Variants in CDH18 observed in about 807,000 individuals in gnomAD.
CDH18 encodes cadherin-18.
A neutral mutation model predicts 67.9 loss-of-function variants in CDH18; 31 were observed. The ratio of observed to expected loss-of-function variants is 0.46; its 90% confidence interval spans 0.34 to 0.62. The LOEUF (loss-of-function observed/expected upper bound fraction) is 0.62. Among genes scored for constraint, CDH18 ranks in the 20% least tolerant of loss-of-function variants. CDH18 has a pLI of 0.01. For missense variants in CDH18, 890 were observed against 975.5 expected (o/e 0.91, Z 1.17); for synonymous variants, 362 against 347.2 (o/e 1.04, Z -0.48).
chr5:20,476,671 G>A (rs773866631), intron 1 of CDH18, among the ~76,000 whole-genome samples: 1 of 152,052 alleles, frequency 6.6e-6, no homozygotes, highest in African/African-American at 2.4e-5. Context: ...CCTCTTTGAA[G>A]TTTCATGCAT....
Position 19,591,189 on chromosome 5 carries a change from T to C in CDH18, c.867A>G (p.Lys289=). The change falls in exon 7 of 13, where the codon AAA becomes AAG. Residue 289 remains lysine (K), a synonymous_variant. Transcript: ENST00000382275. ...CAGTGTCAGCATCATTTGCCTTGAT[T>C]TTCCCAACAGCTGAACCAACTTGAG... ...ESAQVGSAVG[K]IKANDADTGS... is the part of the protein sequence containing the mutation. The C allele has an allele frequency of 6.2e-7, 1 of 1,612,598 alleles. No individual in the cohort carries two copies. The highest frequency in any genetic ancestry group is 1.3e-5 in the African/African-American group (1 of 74,988).
At chr5:19,647,798 G>A (rs1197918116) in intron 5 of CDH18, among the ~76,000 whole-genome samples, 2 of 152,002 alleles carry the variant, frequency 1.3e-5, no homozygotes, top group African/African-American at 4.8e-5. Context: ...CACCCTAGAG[G>A]AGACTGAAGG....
At chr5:20,251,711 T>C (rs1434176726) in intron 2 of CDH18, among the ~76,000 whole-genome samples, 1 of 152,176 alleles carries the variant, frequency 6.6e-6, no homozygotes, top group African/African-American at 2.4e-5. Context: ...GAATGGATTG[T>C]AATTTGGTTT....
At position 20,352,902 on chromosome 5, in the gene CDH18, C is replaced by T. The variant is rs528678157; in HGVS notation, c.-579-97397G>A. 3.3e-5 allele frequency among the ~76,000 whole-genome samples: 5 copies of T among 152,170 alleles called. No individual in the cohort carries two copies. The East Asian group carries it at 9.7e-4, about 29-fold the overall frequency. On this transcript the variant is annotated intron_variant, in intron 1 of 14. Coordinates refer to the CDH18 transcript ENST00000507958. Reference sequence around the variant, plus strand: ...CATTTTTCTTGCTAGATATCCTCATCTTATAATAAGCTAGAATTAAAACAA... The same window carrying T: ...CATTTTTCTTGCTAGATATCCTCATTTTATAATAAGCTAGAATTAAAACAA...
chr5:19,759,287 C>G (rs1279052369), intron 3 of CDH18, among the ~76,000 whole-genome samples: 1 of 152,144 alleles, frequency 6.6e-6, no homozygotes, highest in Non-Finnish European at 1.5e-5. Context: ...AATCACCACC[C>G]TTGCATCTTT....
chr5:20,005,403 T>C (rs1736807163), intron 2 of CDH18, among the ~76,000 whole-genome samples: 1 of 103,696 alleles, frequency 9.6e-6, no homozygotes, highest in African/African-American at 3.8e-5. Flanking sequence ...AAACAAAGTA[T>C]ATATATATAT....
chr5:20,466,220 G>C (rs62355172), intron 1 of CDH18, among the ~76,000 whole-genome samples: 1 of 151,816 alleles, frequency 6.6e-6, no homozygotes, highest in Non-Finnish European at 1.5e-5. Flanking sequence ...GAGTTTCCTC[G>C]CCATTTTCAT....
intron 1 of CDH18, among the ~76,000 whole-genome samples, chr5:20,532,209 T>C (rs1463913219): frequency 2.6e-5 from 4 of 152,102 alleles, no homozygotes; most frequent in Non-Finnish European, 4.4e-5. Context: ...ATGCTGTGAT[T>C]CGGTACAATA....
intron 2 of CDH18, among the ~76,000 whole-genome samples, chr5:19,920,108 A>T (rs2150163482): frequency 6.6e-6 from 1 of 152,308 alleles, no homozygotes; most frequent in Admixed American, 6.5e-5. Flanking sequence ...CTGTTTTTGA[A>T]TCCCATAATA....
intron 2 of CDH18, among the ~76,000 whole-genome samples, chr5:19,920,225 A>G (rs1792278608): frequency 2.0e-5 from 3 of 152,218 alleles, no homozygotes; most frequent in Admixed American, 2.0e-4. Flanking sequence ...TTTTGACTTT[A>G]TTATATAATT....
chr5:19,960,811 AC>A (rs1796810328), intron 2 of CDH18, among the ~76,000 whole-genome samples: 1 of 149,738 alleles, frequency 6.7e-6, no homozygotes, highest in African/African-American at 2.5e-5. Context: ...ATATATACAC[AC>A]ACACACGCAC....
At chr5:19,837,592 C>A (rs1391112148) in intron 3 of CDH18, among the ~76,000 whole-genome samples, 1 of 151,786 alleles carries the variant, frequency 6.6e-6, no homozygotes, top group African/African-American at 2.4e-5. Context: ...GAATATGATA[C>A]AATTGTTTTA....
chr5:20,313,223 T>A (rs1490153870), intron 1 of CDH18, among the ~76,000 whole-genome samples: 2 of 152,136 alleles, frequency 1.3e-5, no homozygotes, highest in African/African-American at 2.4e-5. Flanking sequence ...TATTTTAAAA[T>A]GTTTCCTATT....
chr5:20,240,281 A>AATTT (rs1561903349), intron 2 of CDH18, among the ~76,000 whole-genome samples: 1 of 104,242 alleles, frequency 9.6e-6, no homozygotes, highest in East Asian at 3.0e-4. Context: ...TACTAAAAAA[A>AATTT]AGTTGGCAAT....
intron 3 of CDH18, among the ~76,000 whole-genome samples, chr5:19,837,821 C>T (rs1325670626): frequency 6.6e-6 from 1 of 152,076 alleles, no homozygotes; most frequent in African/African-American, 2.4e-5. Context: ...GGATAGAAGC[C>T]ACTGAGCCTG....
intron 1 of CDH18, among the ~76,000 whole-genome samples, chr5:20,278,329 A>G (rs186683959): frequency 1.9e-3 from 295 of 152,230 alleles, no homozygotes; most frequent in African/African-American, 6.5e-3. Flanking sequence ...TTTGGTGCAA[A>G]TCTTACAGGG....
At chr5:20,112,769 A>G (rs944309352) in intron 2 of CDH18, among the ~76,000 whole-genome samples, 2 of 152,206 alleles carry the variant, frequency 1.3e-5, no homozygotes, top group African/African-American at 4.8e-5. Context: ...CTCATTATTC[A>G]TATTATTTTT....
intron 2 of CDH18, among the ~76,000 whole-genome samples, chr5:20,136,953 G>T (rs972897004): frequency 1.3e-5 from 2 of 152,174 alleles, no homozygotes; most frequent in East Asian, 1.9e-4. Flanking sequence ...TCTGCCAAGA[G>T]ATCTGCTGTT....
At chr5:19,957,249 T>A (rs1796336657) in intron 2 of CDH18, among the ~76,000 whole-genome samples, 1 of 151,788 alleles carries the variant, frequency 6.6e-6, no homozygotes, top group Admixed American at 6.6e-5. Context: ...ATTTTTGTAC[T>A]TTCAGAGTGA....
Sources: gnomAD v4.1 joint callset for allele counts (sites outside exome capture counted in the v4.1 genomes callset) on GRCh38, gnomAD v4.1.1 for gene constraint, MANE v1.5 for transcripts, NCBI Gene and HGNC (gene_info 2026-07-23, HGNC 2026-07-21) for gene names.